HDAC9: variants seen among roughly 807,000 people sequenced by gnomAD.
HDAC9 encodes the protein histone deacetylase 9.
In HDAC9, 41 loss-of-function variants were observed where a neutral mutation model predicts 139.4. The observed-to-expected ratio is 0.29, with a 90% confidence interval of 0.23 to 0.38. The LOEUF is 0.38. Ranked by LOEUF, HDAC9 falls within the 10% of genes least tolerant of loss-of-function variation. HDAC9 has a pLI of 1.00. For missense variants in HDAC9, 1,147 were observed against 1,297.0 expected, an observed-to-expected ratio of 0.88 and a Z score of 1.78; for synonymous variants, 517 against 476.2, an observed-to-expected ratio of 1.09 and a Z score of -1.12.
At chr7:18,233,447 C>T (rs780587801) in intron 2 of HDAC9, among the ~76,000 whole-genome samples, 35 of 151,854 alleles carry the variant, frequency 2.3e-4, no homozygotes, top group Non-Finnish European at 3.8e-4. Context: ...CTTGGTTTAA[C>T]GGATTTCATT....
At chr7:18,794,436 C>A (rs925326695) in intron 17 of HDAC9, among the ~76,000 whole-genome samples, 1 of 152,164 alleles carries the variant, frequency 6.6e-6, no homozygotes, top group Non-Finnish European at 1.5e-5. Context: ...CTTCACAATG[C>A]AACGTTTGTC....
intron 1 of HDAC9, among the ~76,000 whole-genome samples, chr7:18,159,401 G>C (rs1002789372): frequency 6.6e-6 from 1 of 152,162 alleles, no homozygotes; most frequent in Non-Finnish European, 1.5e-5. Context: ...AGAAGTGTGG[G>C]AAGATTTGAG....
chr7:18,802,417 A>G (rs185944905), intron 17 of HDAC9, among the ~76,000 whole-genome samples: 1 of 152,092 alleles, frequency 6.6e-6, no homozygotes, highest in African/African-American at 2.4e-5. Flanking sequence ...GACCCGCTTT[A>G]TTGACAAGTG....
chr7:18,974,649 G>C (rs144582004), intron 24 of HDAC9, among the ~76,000 whole-genome samples: 1 of 152,316 alleles, frequency 6.6e-6, no homozygotes, highest in African/African-American at 2.4e-5. Flanking sequence ...TGGTCTTGTT[G>C]GCATGGGGAA....
At chr7:18,668,370 G>T (rs574767364) in intron 12 of HDAC9, 2 of 933,224 alleles carry the variant, frequency 2.1e-6, no homozygotes, top group South Asian at 4.9e-5. Context: ...AGATAAAATT[G>T]TATATTTTTT....
At position 18,507,654 on chromosome 7, in the gene HDAC9, G is replaced by A. The variant is rs184198012; in HGVS notation, c.22+11330G>A. Among the ~76,000 whole-genome samples the A allele has an allele frequency of 1.3e-3, 203 of 152,146 alleles. 1 individual carries two copies. The highest frequency in any genetic ancestry group is 4.8e-3 in the African/African-American group (198 of 41,520). On this transcript the variant is annotated intron_variant, in intron 2 of 25. Transcript: ENST00000686413. ...TTACACGCATGTGCCACCAAGCCTG[G>A]CTAAATTTGTATTTTTAGTAAAGAT...
Position 18,676,543 on chromosome 7 carries a change from G to A in HDAC9, c.1731+10067G>A, listed in dbSNP as rs116119199. On this transcript the variant is annotated intron_variant, in intron 12 of 25. Transcript: ENST00000686413. ...TTTTTAGCATCTTAGATATATTTTG[G>A]TCATGAAGATGGTGCTATCAAATCC... 6.1e-3 allele frequency among the ~76,000 whole-genome samples: 928 copies of A among 151,922 alleles called. 9 individuals carry two copies. The highest frequency in any genetic ancestry group is 0.021 in the African/African-American group (873 of 41,486).
chr7:18,201,658 C>T (rs1467636078), intron 2 of HDAC9, among the ~76,000 whole-genome samples: 1 of 152,170 alleles, frequency 6.6e-6, no homozygotes, highest in African/African-American at 2.4e-5. Flanking sequence ...CAGTCCATAC[C>T]CACTCATGGA....
At chr7:18,623,643 T>A (rs1840825440) in intron 6 of HDAC9, among the ~76,000 whole-genome samples, 2 of 152,036 alleles carry the variant, frequency 1.3e-5, no homozygotes, top group Admixed American at 6.6e-5. Flanking sequence ...AGTTAGTACA[T>A]CAAAGAGTTA....
At chr7:18,260,150 C>A (rs148308649) in intron 2 of HDAC9, among the ~76,000 whole-genome samples, 2 of 152,210 alleles carry the variant, frequency 1.3e-5, no homozygotes, top group East Asian at 3.9e-4. Context: ...GATCTAGCAA[C>A]CTGTGCCTTT....
chr7:18,350,283 G>A (rs1782751459), intron 1 of HDAC9, among the ~76,000 whole-genome samples: 3 of 151,990 alleles, frequency 2.0e-5, no homozygotes, highest in Admixed American at 1.3e-4. Flanking sequence ...TCTTTTTGGA[G>A]GCAGTAATTT....
chr7:18,207,948 A>G (rs754603289), intron 2 of HDAC9, among the ~76,000 whole-genome samples: 17 of 152,226 alleles, frequency 1.1e-4, no homozygotes, highest in Non-Finnish European at 1.9e-4. Flanking sequence ...TCCCGATCTC[A>G]GGTGATCTGC....
At chr7:18,733,149 A>G (rs1003705152) in intron 13 of HDAC9, among the ~76,000 whole-genome samples, 1 of 147,636 alleles carries the variant, frequency 6.8e-6, no homozygotes, top group African/African-American at 2.5e-5. Flanking sequence ...ATGTATACAC[A>G]TATATACACG....
intron 2 of HDAC9, chr7:18,509,168 A>G (rs1800681069): frequency 1.9e-6 from 1 of 537,180 alleles, no homozygotes; most frequent in Non-Finnish European, 2.4e-6. Context: ...CTGACACATT[A>G]TCTCACATGC....
At chr7:18,613,842 C>T (rs1039335912) in intron 6 of HDAC9, among the ~76,000 whole-genome samples, 1 of 151,988 alleles carries the variant, frequency 6.6e-6, no homozygotes, top group African/African-American at 2.4e-5. Flanking sequence ...TTCTCTGTGG[C>T]TTTTGACCCC....
chr7:18,866,258 AC>A (rs889900821), intron 21 of HDAC9, among the ~76,000 whole-genome samples: 1 of 151,632 alleles, frequency 6.6e-6, no homozygotes, highest in African/African-American at 2.4e-5. Flanking sequence ...TTCTCTAGGT[AC>A]CCCTGTCTCA....
chr7:18,595,935 A>T (rs531600794), intron 6 of HDAC9, among the ~76,000 whole-genome samples: 6 of 152,096 alleles, frequency 3.9e-5, no homozygotes, highest in African/African-American at 1.4e-4. Context: ...ATTCTCATAG[A>T]TTTTTTTCAA....
chr7:18,988,100 G>T (rs1356321095), intron 25 of HDAC9, among the ~76,000 whole-genome samples: 1 of 152,056 alleles, frequency 6.6e-6, no homozygotes, highest in African/African-American at 2.4e-5. Context: ...CTTGCCTTCT[G>T]CTAGCTTTTG....
At chr7:18,578,330 AAAG>A (rs1189290988) in intron 2 of HDAC9, 6 of 462,668 alleles carry the variant, frequency 1.3e-5, no homozygotes, top group Non-Finnish European at 2.6e-5. Flanking sequence ...TAGCCTGCGG[AAAG>A]AAGCTCTACT....
Sources: gnomAD v4.1 joint callset for allele counts (sites outside exome capture counted in the v4.1 genomes callset) on GRCh38, gnomAD v4.1.1 for gene constraint, MANE v1.5 for transcripts, NCBI Gene and HGNC (gene_info 2026-07-23, HGNC 2026-07-21) for gene names.